The following PDE8A variants were observed in gnomAD, a reference collection of about 807,000 sequenced individuals.
PDE8A encodes the protein phosphodiesterase 8A, also known as high affinity cAMP-specific and IBMX-insensitive 3',5'-cyclic phosphodiesterase 8A.
In PDE8A, 59 loss-of-function variants were observed where a neutral mutation model predicts 105.0. The ratio of observed to expected loss-of-function variants is 0.56; its 90% CI spans 0.46 to 0.70. The LOEUF is 0.70. PDE8A is among the 30% of genes least tolerant of loss of function. The probability of loss-of-function intolerance (pLI) is 0.00; values close to 1 mark genes in which losing one functional copy is unlikely to be tolerated. For missense variants in PDE8A, 1,014 were observed against 1,045.9 expected, an observed-to-expected ratio of 0.97 and a Z score of 0.42; for synonymous variants, 355 against 371.9, an observed-to-expected ratio of 0.95 and a Z score of 0.52.
chr15:85,038,211 TGG>T (rs200863922), intron 1 of PDE8A, among the ~76,000 whole-genome samples: 10,484 of 40,578 alleles, frequency 0.26, 461 homozygotes, highest in South Asian at 0.36. Flanking sequence ...TCTCTCCAAT[TGG>T]GGGGTGTGTG....
At chr15:84,999,324 TTGG>T (rs1197972136) in intron 1 of PDE8A, among the ~76,000 whole-genome samples, 1 of 152,200 alleles carries the variant, frequency 6.6e-6, no homozygotes, top group African/African-American at 2.4e-5. Flanking sequence ...TTTCACCATG[TTGG>T]CCAGGCCTGG....
At chr15:85,101,455 G>A (rs901438146) in intron 11 of PDE8A, among the ~76,000 whole-genome samples, 5 of 152,216 alleles carry the variant, frequency 3.3e-5, no homozygotes, top group African/African-American at 9.6e-5. Context: ...TCCAGAAAAA[G>A]CAAGTACTAA....
At chr15:85,001,773 G>A (rs778923952) in intron 1 of PDE8A, among the ~76,000 whole-genome samples, 1 of 152,166 alleles carries the variant, frequency 6.6e-6, no homozygotes, top group South Asian at 2.1e-4. Flanking sequence ...AGCTTGATAC[G>A]TTTCTAGCTG....
chr15:85,126,372 C>G lies in PDE8A; in HGVS notation c.2251C>G (p.Gln751Glu). The G allele has an allele frequency of 6.4e-7, 1 of 1,571,498 alleles. No individual in the cohort carries two copies. Among genetic ancestry groups the G allele is most frequent in the Non-Finnish European group, 8.7e-7 (1 of 1,155,370 alleles). The stretch of plus-strand genomic sequence containing the variant: ...ACGCATTTCGGAAGAATATTTTTCT[C>G]AGGTAAGTTGCTGCCTCTTTTAAGT... ...AARISEEYFS[Q>E]TDEEKQQGLP... is the part of the protein sequence containing the mutation. The change falls in exon 20 of 22, where the codon CAG becomes GAG. Residue 751 changes from glutamine to glutamate, a missense_variant and splice_region_variant. Coordinates refer to ENST00000394553, the MANE Select transcript of PDE8A (RefSeq NM_002605.3).
intron 16 of PDE8A, chr15:85,116,385 G>T: frequency 4.5e-6 from 2 of 441,480 alleles, no homozygotes; most frequent in Non-Finnish European, 8.2e-6. Context: ...GTGAAATAAA[G>T]GTATTTCTCC....
intron 1 of PDE8A, among the ~76,000 whole-genome samples, chr15:85,014,052 A>G (rs955558174): frequency 1.3e-5 from 2 of 152,172 alleles, no homozygotes; most frequent in Non-Finnish European, 2.9e-5. Flanking sequence ...TTTATGCATT[A>G]CATATACCAG....
intron 1 of PDE8A, among the ~76,000 whole-genome samples, chr15:85,006,699 CTT>C (rs555859065): frequency 6.8e-6 from 1 of 147,188 alleles, no homozygotes. Context: ...TGGTGAATAA[CTT>C]TTTTTTTTTC....
At chr15:85,109,777 G>A (rs193171173) in intron 12 of PDE8A, among the ~76,000 whole-genome samples, 1 of 152,160 alleles carries the variant, frequency 6.6e-6, no homozygotes, top group East Asian at 1.9e-4. Context: ...TATACAGTAG[G>A]GATCAAATGC....
chr15:85,056,464 A>T (rs946092681), intron 1 of PDE8A, among the ~76,000 whole-genome samples: 2 of 152,040 alleles, frequency 1.3e-5, no homozygotes, highest in African/African-American at 4.8e-5. Flanking sequence ...CGTAGATTTG[A>T]TCTTTTTACA....
chr15:85,085,262 G>C (rs557394509), intron 6 of PDE8A, among the ~76,000 whole-genome samples: 6 of 152,134 alleles, frequency 3.9e-5, no homozygotes, highest in Non-Finnish European at 8.8e-5. Context: ...CCATTATACA[G>C]GGAGATATAA....
intron 20 of PDE8A, among the ~76,000 whole-genome samples, chr15:85,129,957 C>T (rs1040244037): frequency 6.6e-6 from 1 of 152,060 alleles, no homozygotes; most frequent in African/African-American, 2.4e-5. Flanking sequence ...TATATTAGTC[C>T]ATTTGCATTG....
chr15:85,031,999 T>C (rs1186840895), intron 1 of PDE8A, among the ~76,000 whole-genome samples: 1 of 152,224 alleles, frequency 6.6e-6, no homozygotes, highest in Non-Finnish European at 1.5e-5. Context: ...TGCTTTGTCA[T>C]GTAGAGGTTC....
At chr15:85,123,343 C>G in intron 19 of PDE8A, 150 bp downstream of exon 19, 2 of 104,822 alleles carry the variant, frequency 1.9e-5, no homozygotes, top group Non-Finnish European at 3.3e-5. Context: ...GGGATACACA[C>G]ACACACACAC....
intron 1 of PDE8A, among the ~76,000 whole-genome samples, chr15:85,024,168 C>T (rs757020783): frequency 6.6e-6 from 1 of 152,156 alleles, no homozygotes; most frequent in South Asian, 2.1e-4. Flanking sequence ...ACCCTCTGAT[C>T]CGTCTATCTG....
At chr15:85,052,335 C>A (rs919722628) in intron 1 of PDE8A, among the ~76,000 whole-genome samples, 13 of 152,196 alleles carry the variant, frequency 8.5e-5, no homozygotes, top group Admixed American at 2.6e-4. Flanking sequence ...TGGGTATATA[C>A]CCAGTAATGG....
At chr15:85,101,975 G>T (rs956786037) in intron 11 of PDE8A, among the ~76,000 whole-genome samples, 1 of 152,168 alleles carries the variant, frequency 6.6e-6, no homozygotes, top group African/African-American at 2.4e-5. Context: ...CCTGCTGAGT[G>T]CTGGCTTCTG....
chr15:85,002,127 GTTCAA>G (rs1199603476), intron 1 of PDE8A, among the ~76,000 whole-genome samples: 5 of 152,058 alleles, frequency 3.3e-5, no homozygotes, highest in African/African-American at 1.2e-4. Context: ...GTGCCCTAAA[GTTCAA>G]TTCAATTCTG....
At chr15:85,097,071 G>C (rs1329106227) in intron 8 of PDE8A, among the ~76,000 whole-genome samples, 1 of 152,170 alleles carries the variant, frequency 6.6e-6, no homozygotes, top group Non-Finnish European at 1.5e-5. Flanking sequence ...TCAACTCTAG[G>C]TCCTGAGGGA....
At position 84,981,869 on chromosome 15, in the gene PDE8A, G is replaced by C. The variant is rs1298280652; in HGVS notation, c.-294G>C. ...TTCCCCGGAAGCGCGGCCGAGGCGA[G>C]CCCGGCGATGTGAGAGGCGGCCGTC... On this transcript the variant is annotated 5_prime_UTR_variant, in exon 1 of 22. Transcript: ENST00000394553. 4.8e-6 allele frequency: 1 copy of C among 207,086 alleles called. No individual in the cohort carries two copies. Among genetic ancestry groups the C allele is most frequent in the East Asian group, 1.1e-4 (1 of 8,776 alleles). The allele number at this position is 207,086 out of a possible 1,614,324, so 12.8% of individuals were successfully genotyped here.
Sources: gnomAD v4.1 joint callset for allele counts (sites outside exome capture counted in the v4.1 genomes callset) on GRCh38, gnomAD v4.1.1 for gene constraint, MANE v1.5 for transcripts, NCBI Gene and HGNC (gene_info 2026-07-23, HGNC 2026-07-21) for gene names.